KLF8: variants seen among roughly 807,000 people sequenced by gnomAD.
The protein encoded by KLF8 is KLF transcription factor 8, also known as Krueppel-like factor 8.
A neutral mutation model predicts 18.2 loss-of-function variants in KLF8; 10 were observed. The observed-to-expected ratio is 0.55, with a 90% CI of 0.34 to 0.93. The LOEUF is 0.93. KLF8 is among the 40% of genes least tolerant of loss of function. KLF8 has a pLI of 0.02. For missense variants in KLF8, 264 were observed against 277.9 expected, an observed-to-expected ratio of 0.95 and a Z score of 0.36; for synonymous variants, 109 against 97.3, an observed-to-expected ratio of 1.12 and a Z score of -0.71.
At chrX:56,029,589 G>A in the KLF8 span, among the ~76,000 whole-genome samples, 2 of 111,744 alleles carry the variant, frequency 1.8e-5, no homozygotes, top group African/African-American at 6.5e-5. Context: ...GCTCCTTGGG[G>A]GCATTTGAGC....
At chrX:55,920,616 A>C in the KLF8 span, among the ~76,000 whole-genome samples, 1 of 102,954 alleles carries the variant, frequency 9.7e-6, no homozygotes, top group East Asian at 3.1e-4. Context: ...ACACTTAGAG[A>C]AATGCAAAAT....
chrX:56,052,275 A>C, the KLF8 span, among the ~76,000 whole-genome samples: 1 of 112,341 alleles, frequency 8.9e-6, no homozygotes, highest in African/African-American at 3.2e-5. Flanking sequence ...AGCTCGTCAA[A>C]GTCATTCTCC....
the KLF8 span, among the ~76,000 whole-genome samples, chrX:55,956,811 T>C: frequency 8.9e-6 from 1 of 112,083 alleles, no homozygotes; most frequent in Non-Finnish European, 1.9e-5. Flanking sequence ...TTTTATCTGA[T>C]ATTTTATTTG....
chrX:56,184,794 A>G, the KLF8 span, among the ~76,000 whole-genome samples: 2 of 112,410 alleles, frequency 1.8e-5, no homozygotes, highest in East Asian at 5.6e-4. Flanking sequence ...GCAAACTCCA[A>G]CAGACCTGCA....
At chrX:56,109,707 G>C in the KLF8 span, among the ~76,000 whole-genome samples, 1 of 111,464 alleles carries the variant, frequency 9.0e-6, no homozygotes, top group East Asian at 2.8e-4. Context: ...ATTCTTGTTA[G>C]ATTGACCTTT....
the KLF8 span, among the ~76,000 whole-genome samples, chrX:55,969,573 TTAG>T: frequency 1.8e-5 from 2 of 110,640 alleles, no homozygotes; most frequent in African/African-American, 6.6e-5. Flanking sequence ...GAACCCAAAA[TTAG>T]TAGAAGAGAT....
At chrX:56,100,889 C>T in the KLF8 span, among the ~76,000 whole-genome samples, 1 of 112,106 alleles carries the variant, frequency 8.9e-6, no homozygotes, top group Non-Finnish European at 1.9e-5. Flanking sequence ...AAACATCATA[C>T]ATTTAAAGTG....
At chrX:56,053,557 T>TTTTTTGG in the KLF8 span, among the ~76,000 whole-genome samples, 11 of 105,952 alleles carry the variant, frequency 1.0e-4, no homozygotes, top group East Asian at 9.2e-4. Context: ...TTTTTTTTTT[T>TTTTTTGG]GGGGAATAGT....
intron 1 of KLF8, among the ~76,000 whole-genome samples, chrX:56,238,688 G>T (rs1221658244): frequency 3.6e-5 from 4 of 111,579 alleles, no homozygotes; most frequent in Non-Finnish European, 7.5e-5. Context: ...TGAGATTATG[G>T]CACCTATGTA....
chrX:55,937,506 G>T, the KLF8 span, among the ~76,000 whole-genome samples: 1 of 112,599 alleles, frequency 8.9e-6, no homozygotes, highest in African/African-American at 3.2e-5. Flanking sequence ...CACTAGCAAT[G>T]GAACAAAGCT....
the KLF8 span, among the ~76,000 whole-genome samples, chrX:55,965,554 G>T: frequency 6.3e-5 from 7 of 111,697 alleles, no homozygotes; most frequent in Non-Finnish European, 1.3e-4. Flanking sequence ...GCAAGGGAAA[G>T]AAATAAATGG....
chrX:55,984,468 TATGGTGTATATGTAC>T, the KLF8 span, among the ~76,000 whole-genome samples: 2 of 111,817 alleles, frequency 1.8e-5, no homozygotes, highest in African/African-American at 3.3e-5. Context: ...TATAGTAGTC[TATGGTGTATATGTAC>T]ATGGTGTATA....
the KLF8 span, among the ~76,000 whole-genome samples, chrX:55,987,351 TC>T: frequency 2.7e-5 from 3 of 109,662 alleles, no homozygotes; most frequent in Admixed American, 9.7e-5. Flanking sequence ...ACCTCCCCCC[TC>T]CCCCAACCCC....
the KLF8 span, among the ~76,000 whole-genome samples, chrX:56,191,945 T>C: frequency 9.0e-6 from 1 of 111,464 alleles, no homozygotes; most frequent in Admixed American, 9.6e-5. Flanking sequence ...TCACCACTGT[T>C]ATTTCACGTA....
the KLF8 span, among the ~76,000 whole-genome samples, chrX:56,003,164 G>A: frequency 9.0e-6 from 1 of 111,125 alleles, no homozygotes; most frequent in East Asian, 2.8e-4. Context: ...GCCAAGGCAG[G>A]CAGATCACCT....
the KLF8 span, among the ~76,000 whole-genome samples, chrX:55,968,467 T>C: frequency 8.9e-6 from 1 of 112,172 alleles, no homozygotes; most frequent in African/African-American, 3.2e-5. Flanking sequence ...AAATAGATTT[T>C]TAAGGTGAAA....
chrX:56,031,419 G>T, the KLF8 span, among the ~76,000 whole-genome samples: 5 of 112,228 alleles, frequency 4.5e-5, no homozygotes, highest in Non-Finnish European at 7.5e-5. Context: ...CTTCCACTCA[G>T]ATGGAGTGGG....
chrX:55,971,107 T>C, the KLF8 span, among the ~76,000 whole-genome samples: 1 of 110,985 alleles, frequency 9.0e-6, no homozygotes, highest in Admixed American at 9.6e-5. Context: ...ATAGCCAAAG[T>C]CATCCTGAGC....
the KLF8 span, among the ~76,000 whole-genome samples, chrX:55,983,246 CA>C: frequency 9.0e-6 from 1 of 110,905 alleles, no homozygotes; most frequent in Non-Finnish European, 1.9e-5. Context: ...GTGATGGAAT[CA>C]TGTGTATGCA....
Sources: gnomAD v4.1 joint callset for allele counts (sites outside exome capture counted in the v4.1 genomes callset) on GRCh38, gnomAD v4.1.1 for gene constraint, MANE v1.5 for transcripts, NCBI Gene and HGNC (gene_info 2026-07-23, HGNC 2026-07-21) for gene names.